The following RMDN2 variants were observed in gnomAD, a reference collection of about 807,000 sequenced individuals.
RMDN2 encodes regulator of microtubule dynamics protein 2.
In RMDN2, 61 loss-of-function variants were observed where a neutral mutation model predicts 52.8. The ratio of observed to expected loss-of-function variants is 1.16; its 90% CI spans 0.94 to 1.43. The LOEUF is 1.43. Among genes scored for constraint, RMDN2 ranks in the 40% most tolerant of loss-of-function variants. The pLI is 0.00. For missense variants in RMDN2, 592 were observed against 475.3 expected (o/e 1.25, Z -2.28); for synonymous variants, 180 against 153.1 (o/e 1.18, Z -1.30).
At chr2:37,955,920 A>T (rs1294302496) in intron 2 of RMDN2, among the ~76,000 whole-genome samples, 1 of 151,992 alleles carries the variant, frequency 6.6e-6, no homozygotes, top group African/African-American at 2.4e-5. Context: ...GTGATGTATA[A>T]TCCTTCTAAT....
intron 10 of RMDN2, among the ~76,000 whole-genome samples, chr2:38,037,474 C>T (rs1680662089): frequency 6.6e-6 from 1 of 152,186 alleles, no homozygotes; most frequent in African/African-American, 2.4e-5. Context: ...GCAATGGGCT[C>T]ATTGTGGAGA....
chr2:37,973,965 T>A, intron 2 of RMDN2, 75 bp from the exon 3 acceptor site: 2 of 1,205,440 alleles, frequency 1.7e-6, no homozygotes, highest in South Asian at 2.6e-5. Context: ...ATGATTTGAC[T>A]TGCATTTTAA....
intron 6 of RMDN2, among the ~76,000 whole-genome samples, chr2:37,990,161 AAT>A (rs1235603394): frequency 1.2e-4 from 16 of 130,610 alleles, no homozygotes; most frequent in Non-Finnish European, 1.6e-4. Context: ...AAAAAAAAAA[AAT>A]TATTATTAGT....
intron 2 of RMDN2, among the ~76,000 whole-genome samples, chr2:37,958,724 A>G (rs1212124715): frequency 6.6e-6 from 1 of 150,802 alleles, no homozygotes; most frequent in Non-Finnish European, 1.5e-5. Context: ...CTGGGTTTCA[A>G]AGGGAATGCT....
intron 2 of RMDN2, among the ~76,000 whole-genome samples, chr2:37,953,717 G>A (rs1669122278): frequency 6.6e-6 from 1 of 151,926 alleles, no homozygotes; most frequent in Admixed American, 6.6e-5. Context: ...TCCAGAAGTG[G>A]AATTATTGGA....
chr2:38,047,819 T>A (rs2125296486), intron 10 of RMDN2, among the ~76,000 whole-genome samples: 1 of 152,350 alleles, frequency 6.6e-6, no homozygotes, highest in South Asian at 2.1e-4. Context: ...ATGGCAGATA[T>A]GTGTGGCTCT....
intron 2 of RMDN2, among the ~76,000 whole-genome samples, chr2:37,931,534 G>A (rs548584757): frequency 2.6e-5 from 4 of 152,352 alleles, no homozygotes; most frequent in African/African-American, 7.2e-5. Context: ...TTCTGCTGAA[G>A]GAGTATAGAC....
chr2:38,049,151 G>A (rs1558587743), intron 10 of RMDN2, among the ~76,000 whole-genome samples: 2 of 152,184 alleles, frequency 1.3e-5, no homozygotes, highest in Admixed American at 6.5e-5. Flanking sequence ...ATAGTTTGAG[G>A]GATTGTTTCT....
chr2:38,002,224 T>C (rs1676413336), intron 8 of RMDN2, among the ~76,000 whole-genome samples: 1 of 152,210 alleles, frequency 6.6e-6, no homozygotes, highest in South Asian at 2.1e-4. Context: ...TTTAAAAATA[T>C]ATATATTATT....
At chr2:38,018,527 A>G (rs1679087893), downstream of RMDN2, among the ~76,000 whole-genome samples, 1 of 152,210 alleles carries the variant, frequency 6.6e-6, no homozygotes, top group Non-Finnish European at 1.5e-5. Context: ...ACTACAATCG[A>G]ATAACATTTT....
At chr2:38,049,914 A>G (rs1681486593) in intron 10 of RMDN2, among the ~76,000 whole-genome samples, 1 of 152,168 alleles carries the variant, frequency 6.6e-6, no homozygotes, top group Non-Finnish European at 1.5e-5. Context: ...TGTGCCTAAT[A>G]CTGTCAGTAA....
At chr2:37,968,695 A>C (rs1177828116) in intron 2 of RMDN2, among the ~76,000 whole-genome samples, 7 of 152,166 alleles carry the variant, frequency 4.6e-5, no homozygotes, top group African/African-American at 1.7e-4. Flanking sequence ...TTTTGTGAAA[A>C]TTTAGAGCAG....
intron 10 of RMDN2, chr2:38,029,539 C>G (rs1275135330): frequency 6.6e-6 from 1 of 150,748 alleles, no homozygotes; most frequent in East Asian, 2.0e-4. Context: ...AGCCTGTGCT[C>G]AATTAACATT....
At chr2:37,937,137 C>T (rs1478839336) in intron 2 of RMDN2, among the ~76,000 whole-genome samples, 1 of 152,006 alleles carries the variant, frequency 6.6e-6, no homozygotes, top group African/African-American at 2.4e-5. Flanking sequence ...AGCCAGTTTT[C>T]CCAACACCAT....
At chr2:37,945,542 T>C (rs1005697357) in intron 2 of RMDN2, among the ~76,000 whole-genome samples, 12 of 152,170 alleles carry the variant, frequency 7.9e-5, no homozygotes, top group African/African-American at 2.9e-4. Flanking sequence ...ATACTTAGAT[T>C]TCTACAAGTC....
intron 10 of RMDN2, among the ~76,000 whole-genome samples, chr2:38,060,029 C>T (rs924028852): frequency 2.6e-5 from 4 of 152,044 alleles, no homozygotes; most frequent in Admixed American, 6.6e-5. Flanking sequence ...TCCCGAGTAG[C>T]TGGGACTACA....
At chr2:37,962,504 G>A (rs572577266) in intron 2 of RMDN2, among the ~76,000 whole-genome samples, 25 of 152,258 alleles carry the variant, frequency 1.6e-4, no homozygotes, top group African/African-American at 5.5e-4. Flanking sequence ...GGGGAAAACC[G>A]CCTGCTCAAG....
intron 5 of RMDN2, among the ~76,000 whole-genome samples, chr2:37,988,555 C>T (rs988721321): frequency 1.3e-5 from 2 of 152,148 alleles, no homozygotes; most frequent in African/African-American, 4.8e-5. Flanking sequence ...TAGGAATGGT[C>T]TTACTGTTCC....
chr2:37,930,503 G>T (rs1666642422), intron 2 of RMDN2, among the ~76,000 whole-genome samples: 1 of 152,176 alleles, frequency 6.6e-6, no homozygotes, highest in African/African-American at 2.4e-5. Context: ...TGGGAGCGAG[G>T]GGCACCCCAA....
Sources: gnomAD v4.1 joint callset for allele counts (sites outside exome capture counted in the v4.1 genomes callset) on GRCh38, gnomAD v4.1.1 for gene constraint, MANE v1.5 for transcripts, NCBI Gene and HGNC (gene_info 2026-07-23, HGNC 2026-07-21) for gene names.